OSTM1: variants seen among roughly 807,000 people sequenced by gnomAD.
OSTM1 encodes osteoclastogenesis associated transmembrane protein 1, also known as osteopetrosis-associated transmembrane protein 1.
A neutral mutation model predicts 35.4 loss-of-function variants in OSTM1; 26 were observed. The observed-to-expected ratio is 0.73, with a 90% CI of 0.54 to 1.02. The LOEUF (loss-of-function observed/expected upper bound fraction) is 1.02, where lower values mean the gene tolerates loss of function less well. OSTM1 is among the 50% of genes least tolerant of loss of function. The pLI is 0.00. For synonymous variants in OSTM1, 181 were observed against 165.0 expected, an observed-to-expected ratio of 1.10 and a Z score of -0.75; for missense variants, 366 against 409.6, an observed-to-expected ratio of 0.89 and a Z score of 0.92.
intron 3 of OSTM1, among the ~76,000 whole-genome samples, chr6:108,053,141 C>T (rs1772109522): frequency 6.6e-6 from 1 of 152,196 alleles, no homozygotes; most frequent in South Asian, 2.1e-4. Context: ...GTGTCTTTTT[C>T]TTAGGCTGCC....
At chr6:108,066,076 G>T (rs893029565) in intron 1 of OSTM1, among the ~76,000 whole-genome samples, 1 of 152,200 alleles carries the variant, frequency 6.6e-6, no homozygotes, top group Non-Finnish European at 1.5e-5. Flanking sequence ...AGTAGTCTAT[G>T]AAAGTAGGGC....
chr6:108,058,829 C>CTATTGTTG (rs1772217821), intron 2 of OSTM1, among the ~76,000 whole-genome samples: 2 of 151,980 alleles, frequency 1.3e-5, no homozygotes, highest in African/African-American at 4.8e-5. Context: ...TCATTAAGTA[C>CTATTGTTG]TATTGTTGTT....
At chr6:108,067,121 A>G (rs1378763327) in intron 1 of OSTM1, among the ~76,000 whole-genome samples, 3 of 152,162 alleles carry the variant, frequency 2.0e-5, no homozygotes. Context: ...CTGTCTGCTC[A>G]TTCTCTCCTT....
intron 2 of OSTM1, among the ~76,000 whole-genome samples, chr6:108,056,469 C>T (rs1772171604): frequency 6.6e-6 from 1 of 152,206 alleles, no homozygotes; most frequent in Admixed American, 6.5e-5. Context: ...CTCCACTACC[C>T]ATAGATATCT....
chr6:108,058,409 A>G (rs925905884), intron 2 of OSTM1, among the ~76,000 whole-genome samples: 27 of 152,224 alleles, frequency 1.8e-4, no homozygotes, highest in African/African-American at 6.5e-4. Flanking sequence ...TTTAACAAAT[A>G]TGAAAACTAA....
intron 1 of OSTM1, among the ~76,000 whole-genome samples, chr6:108,071,851 T>C (rs929242994): frequency 1.3e-5 from 2 of 152,020 alleles, no homozygotes; most frequent in African/African-American, 4.8e-5. Context: ...CACATCAGGG[T>C]GAGTTGAGCT....
At chr6:108,064,328 A>C (rs752284794) in intron 1 of OSTM1, 29 bp from the exon 2 acceptor site, 5 of 1,189,840 alleles carry the variant, frequency 4.2e-6, no homozygotes, top group Non-Finnish European at 5.0e-6. Context: ...AGAAAAATAC[A>C]ATCTGAGTAT....
At chr6:108,053,858 C>T (rs1470487664) in intron 3 of OSTM1, among the ~76,000 whole-genome samples, 1 of 152,152 alleles carries the variant, frequency 6.6e-6, no homozygotes, top group Non-Finnish European at 1.5e-5. Flanking sequence ...AGCATGTGTA[C>T]ATCTACTATG....
At chr6:108,067,095 C>T (rs190261713) in intron 1 of OSTM1, among the ~76,000 whole-genome samples, 126 of 152,236 alleles carry the variant, frequency 8.3e-4, no homozygotes, top group African/African-American at 2.9e-3. Flanking sequence ...AATCCCAAAC[C>T]GTACTCCTCA....
intron 2 of OSTM1, 125 bp downstream of exon 2, chr6:108,064,060 G>A: frequency 4.5e-6 from 3 of 669,240 alleles, no homozygotes; most frequent in South Asian, 1.7e-5. Flanking sequence ...GTCCATGACA[G>A]TTTATTTAAA....
At chr6:108,064,613 T>C (rs1286418273) in intron 1 of OSTM1, among the ~76,000 whole-genome samples, 1 of 152,212 alleles carries the variant, frequency 6.6e-6, no homozygotes, top group Non-Finnish European at 1.5e-5. Flanking sequence ...TAAATCCAAG[T>C]TCCCAAATCA....
At chr6:108,064,822 G>T (rs761554252) in intron 1 of OSTM1, among the ~76,000 whole-genome samples, 1 of 152,146 alleles carries the variant, frequency 6.6e-6, no homozygotes, top group Non-Finnish European at 1.5e-5. Context: ...ACACAGACAA[G>T]GAGTTATACA....
In OSTM1 at chr6:108,044,534, T is replaced by C. The variant is rs1402639988; in HGVS notation, c.*251A>G. 3 of 326,268 alleles carry C rather than the reference T, an allele frequency of 9.2e-6. No homozygotes were observed. The highest frequency in any genetic ancestry group is 8.9e-5 in the Admixed American group (2 of 22,390). 20.2% of individuals were successfully genotyped at this position (326,268 alleles called of 1,614,324 possible). ...ATAAAATAATGATTGTTCTTGCATGTTCTGTTATTGTGACAAATACACATT... is the reference window on the plus strand; with the variant it reads ...ATAAAATAATGATTGTTCTTGCATGCTCTGTTATTGTGACAAATACACATT... On this transcript the variant is annotated 3_prime_UTR_variant, in exon 6 of 6. Transcript: ENST00000193322.
intron 5 of OSTM1, among the ~76,000 whole-genome samples, chr6:108,045,850 T>A (rs1428860059): frequency 6.6e-6 from 1 of 152,186 alleles, no homozygotes; most frequent in Non-Finnish European, 1.5e-5. Flanking sequence ...AGAGTCTCCC[T>A]ACTTCAGAGC....
intron 1 of OSTM1, among the ~76,000 whole-genome samples, chr6:108,070,690 G>C (rs1044628285): frequency 7.3e-5 from 11 of 151,552 alleles, no homozygotes; most frequent in African/African-American, 2.4e-4. Context: ...AGGAGTTTGA[G>C]ACCAGCCTGG....
chr6:108,074,480 A>G lies in OSTM1; in HGVS notation c.172T>C (p.Leu58=). 6.4e-7 allele frequency: 1 copy of G among 1,557,886 alleles called. No individual in the cohort carries two copies. The highest frequency in any genetic ancestry group is 1.4e-5 in the African/African-American group (1 of 73,524). ...CCACCCTGCAGGAGGGACAGGGACA[A>G]GTCCTCCACCTCCAGCAACTGCTGC... ...SEQQLLEVED[L]SLSLLQGGGL... Residue 58 remains leucine (L), a synonymous_variant, in exon 1 of 6, where the codon TTG becomes CTG. Transcript: ENST00000193322.
Position 108,043,334 on chromosome 6 carries a change from G to A in OSTM1, c.*1451C>T, listed in dbSNP as rs920709621. 1 of 149,868 alleles carries A rather than the reference G, an allele frequency of 6.7e-6. No homozygotes were observed. Among genetic ancestry groups the A allele is most frequent in the Non-Finnish European group, 1.5e-5 (1 of 67,976 alleles). The allele number at this position is 149,868 out of a possible 1,614,324, so 9.3% of individuals were successfully genotyped here. A position where few individuals can be genotyped will look rare whatever the true frequency, so the allele number is the denominator to read the frequency against. On this transcript the variant is annotated 3_prime_UTR_variant, in exon 6 of 6. Transcript: ENST00000193322. ...AGTGGATCACAGCAGATCAGAGAAAGTGTAACAGCTTTTGAGTATGTTATA... is the reference window on the plus strand; with the variant it reads ...AGTGGATCACAGCAGATCAGAGAAAATGTAACAGCTTTTGAGTATGTTATA...
intron 2 of OSTM1, among the ~76,000 whole-genome samples, chr6:108,058,044 C>CTT (rs761751778): frequency 0.1 from 12,727 of 121,432 alleles, 1,212 homozygotes; most frequent in East Asian, 0.3. Context: ...AAGAGTCAAT[C>CTT]TTTTTTTTTT....
chr6:108,061,621 G>A (rs1038381672), intron 2 of OSTM1, among the ~76,000 whole-genome samples: 19 of 152,116 alleles, frequency 1.2e-4, no homozygotes, highest in African/African-American at 4.6e-4. Context: ...CAACTCCTGG[G>A]CTCAAGCACT....
Sources: allele counts gnomAD v4.1 joint callset (sites outside exome capture counted in the v4.1 genomes callset), GRCh38; gene constraint gnomAD v4.1.1; transcripts MANE v1.5; gene names NCBI Gene and HGNC (gene_info 2026-07-23, HGNC 2026-07-21).